ITM2B: variants seen among roughly 807,000 people sequenced by gnomAD.
The protein encoded by ITM2B is integral membrane protein 2B.
In ITM2B, 11 loss-of-function variants were observed where a neutral mutation model predicts 27.8. That is an observed-to-expected ratio of 0.40 (90% confidence interval 0.25 to 0.66). The LOEUF is 0.66. Among genes scored for constraint, ITM2B ranks in the 30% least tolerant of loss-of-function variants. The pLI, the probability that ITM2B is intolerant of heterozygous loss-of-function variation, is 0.43. For missense variants in ITM2B, 296 were observed against 328.9 expected, an observed-to-expected ratio of 0.90 and a Z score of 0.77; for synonymous variants, 114 against 114.3, an observed-to-expected ratio of 1.00 and a Z score of 0.02.
intron 1 of ITM2B, among the ~76,000 whole-genome samples, chr13:48,236,883 T>C (rs1345817499): frequency 6.6e-6 from 1 of 152,220 alleles, no homozygotes; most frequent in East Asian, 1.9e-4. Flanking sequence ...TACCCCACTT[T>C]GTAGATATTC....
rs1951831368 is a variant in ITM2B, at chr13:48,262,991, T to TA, written c.*1768dup. ...CCTGTTGATTATAGTAGTAATGCAG[T>TA]ATCAGGGTAGCTGAACTGCAATAAT... On this transcript the variant is annotated 3_prime_UTR_variant, in exon 6 of 6. Transcript: ENST00000647800. 6.6e-6 allele frequency: 1 copy of TA among 152,150 alleles called. No homozygotes were observed. The highest frequency in any genetic ancestry group is 2.4e-5 in the African/African-American group (1 of 41,432). The allele number at this position is 152,150 out of a possible 1,614,324, so 9.4% of individuals were successfully genotyped here.
intron 1 of ITM2B, among the ~76,000 whole-genome samples, chr13:48,251,804 T>A (rs974625172): frequency 6.6e-6 from 1 of 152,202 alleles, no homozygotes; most frequent in Non-Finnish European, 1.5e-5. Context: ...AAATTAATTA[T>A]GTTAGGAATG....
rs145559034 is a variant in ITM2B at position 48,242,586 on chromosome 13, T to TA, written c.117+9110dup. Among the ~76,000 whole-genome samples the TA allele has an allele frequency of 3.9e-3, 593 of 152,290 alleles. 22 individuals are homozygous for TA. In the East Asian group the frequency reaches 0.045, roughly 12 times the overall value. ...AAAAAGATAAATTTTTAAAAAATCT[T>TA]ACGTGTCTCAGAATCGTTATTCCAT... is the stretch of plus-strand genomic sequence containing the variant. On this transcript the variant is annotated intron_variant, in intron 1 of 5. Transcript: ENST00000647800.
At chr13:48,242,142 T>G (rs1005284671) in intron 1 of ITM2B, among the ~76,000 whole-genome samples, 1 of 152,218 alleles carries the variant, frequency 6.6e-6, no homozygotes, top group Non-Finnish European at 1.5e-5. Flanking sequence ...TCTGGTTAAA[T>G]TGATATTTAG....
intron 1 of ITM2B, 114 bp from the exon 2 acceptor site, chr13:48,253,694 T>G: frequency 9.5e-7 from 1 of 1,053,936 alleles, no homozygotes; most frequent in Non-Finnish European, 1.5e-6. Flanking sequence ...CACAACTCCT[T>G]TGGTCTTTGT....
chr13:48,237,605 A>C (rs546328325), intron 1 of ITM2B, among the ~76,000 whole-genome samples: 1 of 152,334 alleles, frequency 6.6e-6, no homozygotes, highest in East Asian at 1.9e-4. Flanking sequence ...GAAATATCTC[A>C]AATACGTTTA....
At position 48,233,251 on chromosome 13, in the gene ITM2B, G is replaced by T. The variant is rs572688262; in HGVS notation, c.-110G>T. 166 of 625,986 alleles carry T rather than the reference G, an allele frequency of 2.7e-4. 1 individual carries two copies. The African/African-American group carries it at 3.2e-3, about 12-fold the overall frequency. The allele number at this position is 625,986 out of a possible 1,614,324, so 38.8% of individuals were successfully genotyped here. ...CGGAGCTTCCCGAACCTCTTCAGCCGCCCGGAGCCGCTCCCGGAGCCCGGC... is the reference window on the plus strand; with the variant it reads ...CGGAGCTTCCCGAACCTCTTCAGCCTCCCGGAGCCGCTCCCGGAGCCCGGC... On this transcript the variant is annotated 5_prime_UTR_variant, in exon 1 of 6. Coordinates refer to ENST00000647800, the MANE Select transcript of ITM2B (RefSeq NM_021999.5).
chr13:48,246,914 C>T (rs759428135), intron 1 of ITM2B, among the ~76,000 whole-genome samples: 2 of 152,134 alleles, frequency 1.3e-5, no homozygotes, highest in African/African-American at 2.4e-5. Context: ...CTGCAACCTC[C>T]GCCTCCTGGG....
Position 48,265,745 on chromosome 13 carries a change from A to G in ITM2B, c.*4521A>G, listed in dbSNP as rs1593399557. 1 of 151,916 alleles carries G rather than the reference A, an allele frequency of 6.6e-6. No homozygotes were observed. The highest frequency in any genetic ancestry group is 2.4e-5 in the African/African-American group (1 of 41,296). The allele number at this position is 151,916 out of a possible 1,614,324, so 9.4% of individuals were successfully genotyped here. Reference sequence around the variant, plus strand: ...TCCTGAAGATTATTTCCATCTCCTCACCCGACACCCTTCAGTTAGCTTCCA... The same window carrying G: ...TCCTGAAGATTATTTCCATCTCCTCGCCCGACACCCTTCAGTTAGCTTCCA... On this transcript the variant is annotated 3_prime_UTR_variant, in exon 6 of 6. Transcript: ENST00000647800.
At position 48,253,829 on chromosome 13, in the gene ITM2B, G is replaced by A. The variant is rs1481956871; in HGVS notation, c.139G>A (p.Val47Ile). 3 of 1,613,932 alleles carry A rather than the reference G, an allele frequency of 1.9e-6. No individual in the cohort carries two copies. Among genetic ancestry groups the A allele is most frequent in the Non-Finnish European group, 2.5e-6 (3 of 1,179,816 alleles). Reference sequence around the variant, plus strand: ...TTAGGACCCAGATGATGTGGTACCAGTTGGCCAAAGAAGAGCCTGGTGTTG... The same window carrying A: ...TTAGGACCCAGATGATGTGGTACCAATTGGCCAAAGAAGAGCCTGGTGTTG... ...DCKDPDDVVPVGQRRAWCWCM... is the reference protein window; with the variant it reads ...DCKDPDDVVPIGQRRAWCWCM... Residue 47 changes from valine to isoleucine, a missense_variant, in exon 2 of 6, where the codon GTT becomes ATT. Coordinates refer to ENST00000647800, the MANE Select transcript of ITM2B (RefSeq NM_021999.5).
Position 48,258,198 on chromosome 13 carries a change from C to A in ITM2B, c.526C>A (p.Pro176Thr), listed in dbSNP as rs757109548. ...VIPLNTSIVM[P>T]PRNLLELLIN... Reference sequence around the variant, plus strand: ...CCCTCTGAACACTTCCATTGTTATGCCACCCAGAAACCTACTGGAGTTACT... The same window carrying A: ...CCCTCTGAACACTTCCATTGTTATGACACCCAGAAACCTACTGGAGTTACT... Residue 176 changes from proline (P) to threonine (T), a missense_variant, in exon 4 of 6, where the codon CCA (proline) becomes ACA (threonine). Transcript: ENST00000647800. The A allele has an allele frequency of 6.3e-7, 1 of 1,598,776 alleles. No individual in the cohort carries two copies. The highest frequency in any genetic ancestry group is 1.7e-5 in the Admixed American group (1 of 59,982).
At position 48,262,011 on chromosome 13, in the gene ITM2B, T is replaced by C. The variant is rs942170996; in HGVS notation, c.*787T>C. On this transcript the variant is annotated 3_prime_UTR_variant, in exon 6 of 6. Coordinates refer to ENST00000647800, the MANE Select transcript of ITM2B (RefSeq NM_021999.5). ...ATACAATGAGTAAAATCACAGATTT[T>C]TTCTTTAAATAAAAATAAGTCATTT... is the stretch of plus-strand genomic sequence containing the variant. 6 of 152,330 alleles carry C rather than the reference T, an allele frequency of 3.9e-5. No homozygotes were observed. The highest frequency in any genetic ancestry group is 6.5e-5 in the Admixed American group (1 of 15,274). 9.4% of individuals were successfully genotyped at this position (152,330 alleles called of 1,614,324 possible). A position where few individuals can be genotyped will look rare whatever the true frequency, so the allele number is the denominator to read the frequency against.
At chr13:48,250,085 G>T (rs909775532) in intron 1 of ITM2B, among the ~76,000 whole-genome samples, 2 of 152,008 alleles carry the variant, frequency 1.3e-5, no homozygotes, top group African/African-American at 4.8e-5. Context: ...ACTATAAATC[G>T]CTCAAAGTAG....
chr13:48,256,169 C>G lies in ITM2B; in HGVS notation c.247-8C>G, dbSNP rs1951785968. Reference sequence around the variant, plus strand: ...AATTGCTGAAATGAGTCTTTAAACTCTCTATAGCCAGATGACGTGTACTAC... The same window carrying G: ...AATTGCTGAAATGAGTCTTTAAACTGTCTATAGCCAGATGACGTGTACTAC... On this transcript the variant is annotated splice_region_variant and splice_polypyrimidine_tract_variant and intron_variant, in intron 2 of 5. Coordinates refer to ENST00000647800, the MANE Select transcript of ITM2B (RefSeq NM_021999.5). The G allele has an allele frequency of 1.2e-6, 2 of 1,603,062 alleles. No individual in the cohort carries two copies. The highest frequency in any genetic ancestry group is 2.2e-5 in the South Asian group (2 of 90,846).
chr13:48,247,058 C>G (rs1430967022), intron 1 of ITM2B, among the ~76,000 whole-genome samples: 1 of 152,160 alleles, frequency 6.6e-6, no homozygotes, highest in Non-Finnish European at 1.5e-5. Flanking sequence ...GATCTCCTGA[C>G]CTTGTGATCC....
At chr13:48,234,600 T>C (rs1228093627) in intron 1 of ITM2B, among the ~76,000 whole-genome samples, 1 of 152,156 alleles carries the variant, frequency 6.6e-6, no homozygotes, top group Non-Finnish European at 1.5e-5. Context: ...TAATATACTG[T>C]AAAAAATTCA....
intron 1 of ITM2B, among the ~76,000 whole-genome samples, chr13:48,236,788 C>T (rs1468695658): frequency 6.6e-6 from 1 of 152,194 alleles, no homozygotes; most frequent in Non-Finnish European, 1.5e-5. Flanking sequence ...ACCCCTTTTC[C>T]AGTATCAGGC....
At position 48,256,312 on chromosome 13, in the gene ITM2B, G is replaced by GAA; in HGVS notation, c.383_384dup (p.Phe129AsnfsTer30). 1 of 1,614,042 alleles carries GAA rather than the reference G, an allele frequency of 6.2e-7. No individual in the cohort carries two copies. The highest frequency in any genetic ancestry group is 8.5e-7 in the Non-Finnish European group (1 of 1,179,954). ...TAAAATCTTTGAAGAAGAAGAAGTT[G>GAA]AATTTATCAGTGTGCCTGTCCCAGA... On this transcript the variant is annotated frameshift_variant, in exon 3 of 6. Coordinates refer to ENST00000647800, the MANE Select transcript of ITM2B (RefSeq NM_021999.5). LOFTEE classifies it high-confidence loss of function.
At position 48,253,664 on chromosome 13, in the gene ITM2B, G is replaced by A. The variant is rs1422595997; in HGVS notation, c.118-144G>A. 17 of 805,908 alleles carry A rather than the reference G, an allele frequency of 2.1e-5. No individual in the cohort carries two copies. The Admixed American group carries it at 2.2e-4, about 11-fold the overall frequency. The allele number at this position is 805,908 out of a possible 1,614,324, so 49.9% of individuals were successfully genotyped here. A position where few individuals can be genotyped will look rare whatever the true frequency, so the allele number is the denominator to read the frequency against. Reference sequence around the variant, plus strand: ...CTGGAGCTACCACTTAATCATTCCTGGGTTGATTTTGATGAGAGACACAAC... The same window carrying A: ...CTGGAGCTACCACTTAATCATTCCTAGGTTGATTTTGATGAGAGACACAAC... On this transcript the variant is annotated intron_variant, in intron 1 of 5. Coordinates refer to ENST00000647800, the MANE Select transcript of ITM2B (RefSeq NM_021999.5).
Sources: gnomAD v4.1 joint callset for allele counts (sites outside exome capture counted in the v4.1 genomes callset) on GRCh38, gnomAD v4.1.1 for gene constraint, MANE v1.5 for transcripts, NCBI Gene and HGNC (gene_info 2026-07-23, HGNC 2026-07-21) for gene names.